Variants in NME9 observed in about 807,000 individuals in gnomAD.
The protein encoded by NME9 is NME/NM23 family member 9, also known as thioredoxin domain-containing protein 6.
A neutral mutation model predicts 44.4 loss-of-function variants in NME9; 48 were observed. That is an observed-to-expected ratio of 1.08 (90% CI 0.86 to 1.37). The LOEUF is 1.37. Among genes scored for constraint, NME9 ranks in the 40% most tolerant of loss-of-function variants. NME9 has a pLI of 0.00. For missense variants in NME9, 325 were observed against 405.2 expected, an observed-to-expected ratio of 0.80 and a Z score of 1.70; for synonymous variants, 139 against 147.1, an observed-to-expected ratio of 0.94 and a Z score of 0.40.
intron 8 of NME9, among the ~76,000 whole-genome samples, chr3:138,282,106 C>G (rs2049986253): frequency 6.6e-6 from 1 of 152,212 alleles, no homozygotes; most frequent in Non-Finnish European, 1.5e-5. Context: ...TGGCCTCACC[C>G]TCTGCATTTT....
intron 8 of NME9, chr3:138,288,963 ATTGGC>A: frequency 9.3e-7 from 1 of 1,073,986 alleles, no homozygotes; most frequent in South Asian, 1.4e-5. Flanking sequence ...GGTTATAGGA[ATTGGC>A]TATGGTAGGT....
Position 138,304,915 on chromosome 3 carries a change from C to T in NME9, c.749G>A (p.Gly250Asp). Residue 250 changes from glycine (G) to aspartate (D), a missense_variant, in exon 9 of 11, where the codon GGC becomes GAC. Physicochemically the swap from Gly to Asp is moderately conservative, Grantham distance 94 (BLOSUM62 -1). Coordinates refer to ENST00000333911, the MANE Select transcript of NME9 (RefSeq NM_001349018.2). ...DVVTTWRTVM[G>D]PRDPNVARRE... ...CCTGGCCACATTGGGGTCACGGGGGCCCATGACGGTTCGCCAGGTAGTGAC... is the reference window on the plus strand; with the variant it reads ...CCTGGCCACATTGGGGTCACGGGGGTCCATGACGGTTCGCCAGGTAGTGAC... 6.2e-7 allele frequency: 1 copy of T among 1,614,144 alleles called. No individual in the cohort carries two copies. Among genetic ancestry groups the T allele is most frequent in the South Asian group, 1.1e-5 (1 of 91,078 alleles).
chr3:138,264,281 C>G (rs2048036431), intron 8 of NME9: 2 of 1,225,790 alleles, frequency 1.6e-6, no homozygotes, highest in South Asian at 2.5e-5. Context: ...CTAGCTAACA[C>G]TACTCCCTGG....
chr3:138,306,514 G>C (rs369488734), intron 6 of NME9, 34 bp from the exon 7 acceptor site: 47 of 1,371,040 alleles, frequency 3.4e-5, no homozygotes, highest in Non-Finnish European at 4.6e-5. Context: ...AGATGCTGAT[G>C]TTTGAGGCTC....
intron 8 of NME9, among the ~76,000 whole-genome samples, chr3:138,275,631 AGTAGAGAGTTGGAC>A (rs2049214521): frequency 1.3e-5 from 2 of 151,978 alleles, no homozygotes; most frequent in Admixed American, 6.5e-5. Context: ...CAAGGTCATC[AGTAGAGAGTTGGAC>A]CCAGAGAGTC....
chr3:138,319,871 G>A (rs2053356283), intron 2 of NME9, among the ~76,000 whole-genome samples: 1 of 152,090 alleles, frequency 6.6e-6, no homozygotes, highest in Non-Finnish European at 1.5e-5. Context: ...GCTACATTCA[G>A]GGTTAGGCCT....
chr3:138,267,306 T>G (rs1375402267), intron 8 of NME9: 4 of 978,198 alleles, frequency 4.1e-6, no homozygotes, highest in Non-Finnish European at 5.9e-6. Flanking sequence ...AAATACTTTT[T>G]ATAGTAGTTG....
chr3:138,307,838 G>A (rs1023086322), intron 6 of NME9, among the ~76,000 whole-genome samples: 1 of 152,210 alleles, frequency 6.6e-6, no homozygotes, highest in Non-Finnish European at 1.5e-5. Context: ...AAGGTTTTGA[G>A]AAGGAAGACA....
chr3:138,284,795 C>T (rs912123932), intron 8 of NME9, among the ~76,000 whole-genome samples: 10 of 152,262 alleles, frequency 6.6e-5, no homozygotes, highest in African/African-American at 2.2e-4. Flanking sequence ...AGTGAAGACC[C>T]GGGCTCTTGG....
intron 3 of NME9, among the ~76,000 whole-genome samples, chr3:138,318,791 T>C (rs1422403152): frequency 6.6e-6 from 1 of 152,240 alleles, no homozygotes; most frequent in Non-Finnish European, 1.5e-5. Context: ...CCCATTTCCA[T>C]ACATTCATCC....
At chr3:138,306,540 C>A in intron 6 of NME9, 60 bp from the exon 7 acceptor site, 4 of 1,025,312 alleles carry the variant, frequency 3.9e-6, no homozygotes, top group African/African-American at 1.6e-5. Context: ...AGGCCATCCA[C>A]AAAAAACAAT....
intron 6 of NME9, among the ~76,000 whole-genome samples, chr3:138,307,494 G>A (rs1019227289): frequency 6.6e-6 from 1 of 152,238 alleles, no homozygotes; most frequent in South Asian, 2.1e-4. Context: ...TACATTTAAC[G>A]AGGGCTTCTA....
downstream of NME9, among the ~76,000 whole-genome samples, chr3:138,299,203 G>A (rs529213895): frequency 6.6e-6 from 1 of 152,240 alleles, no homozygotes; most frequent in African/African-American, 2.4e-5. Context: ...CCAGGATCTG[G>A]CTTTAGGGAA....
At chr3:138,300,943 T>C (rs191867417), downstream of NME9, 109 of 466,314 alleles carry the variant, frequency 2.3e-4, 1 homozygote, top group Admixed American at 2.7e-3. Flanking sequence ...AGTGTCATAG[T>C]CAATCTTGCT....
At position 138,287,394 on chromosome 3, in the gene NME9, G is replaced by A. The variant is rs541966808; in HGVS notation, c.745+16113C>T. ...TTCTTTAAGTCTCTGTTTAAGTATT[G>A]CCACCCTCAAAGAGATCTGTTTTGT... On this transcript the variant is annotated intron_variant, in intron 8 of 8. Coordinates refer to the NME9 transcript ENST00000317876. Among the ~76,000 whole-genome samples the A allele has an allele frequency of 5.9e-5, 9 of 152,168 alleles. No homozygotes were observed. The South Asian group carries it at 8.3e-4, about 14-fold the overall frequency.
At chr3:138,302,894 T>C (rs2051944469) in intron 10 of NME9, among the ~76,000 whole-genome samples, 1 of 152,202 alleles carries the variant, frequency 6.6e-6, no homozygotes, top group Non-Finnish European at 1.5e-5. Flanking sequence ...TTCCACTGGT[T>C]GTGGGGTAGA....
intron 8 of NME9, chr3:138,274,567 G>A: frequency 6.4e-7 from 1 of 1,556,288 alleles, no homozygotes; most frequent in East Asian, 2.2e-5. Context: ...TTTCTCTTGG[G>A]GAATATTTTC....
chr3:138,327,009 AGCCGGGCGTGGTG>A (rs1272428900), intron 1 of NME9: 16 of 139,726 alleles, frequency 1.1e-4, no homozygotes, highest in African/African-American at 3.8e-4. Context: ...AAAAAAAGTT[AGCCGGGCGTGGTG>A]GCGCATACCT....
chr3:138,326,541 C>T (rs925107654), intron 1 of NME9, among the ~76,000 whole-genome samples: 7 of 151,988 alleles, frequency 4.6e-5, no homozygotes, highest in African/African-American at 9.7e-5. Flanking sequence ...TCAAGAGATT[C>T]TCCTGCCTCA....
Sources: allele counts gnomAD v4.1 joint callset (sites outside exome capture counted in the v4.1 genomes callset), GRCh38; gene constraint gnomAD v4.1.1; transcripts MANE v1.5; gene names NCBI Gene and HGNC (gene_info 2026-07-23, HGNC 2026-07-21).